Variants in FBXW10B observed in about 807,000 individuals in gnomAD.
FBXW10B encodes the protein F-box and WD repeat domain containing 10B, also known as F-box and WD repeat domain containing protein 10B.
chr17:15,609,852 C>CTTTTTTTTTTTTTTTT, the FBXW10B span, among the ~76,000 whole-genome samples: 26 of 103,184 alleles, frequency 2.5e-4, no homozygotes, highest in Non-Finnish European at 3.7e-4. Flanking sequence ...TTCTTTCTTT[C>CTTTTTTTTTTTTTTTT]TTTTTTTTTT....
At chr17:15,593,913 G>A in the FBXW10B span, among the ~76,000 whole-genome samples, 20 of 152,062 alleles carry the variant, frequency 1.3e-4, no homozygotes, top group Admixed American at 3.9e-4. Context: ...ACAGGCATGC[G>A]CCACCATGCC....
the FBXW10B span, among the ~76,000 whole-genome samples, chr17:15,595,597 A>G: frequency 6.6e-6 from 1 of 152,032 alleles, no homozygotes; most frequent in Non-Finnish European, 1.5e-5. Context: ...CAGAGTGCAC[A>G]TGGGCCATCC....
At chr17:15,572,184 C>A in the FBXW10B span, 1 of 150,916 alleles carries the variant, frequency 6.6e-6, no homozygotes, top group Non-Finnish European at 1.5e-5. Context: ...ATTTTCAGAG[C>A]ACTTGGTTTT....
chr17:15,576,186 T>G, the FBXW10B span, among the ~76,000 whole-genome samples: 1 of 152,192 alleles, frequency 6.6e-6, no homozygotes, highest in African/African-American at 2.4e-5. Flanking sequence ...TATATATATA[T>G]TTTTAGTGAT....
chr17:15,596,348 G>T, the FBXW10B span: 3 of 607,874 alleles, frequency 4.9e-6, no homozygotes, highest in Non-Finnish European at 6.2e-6. Context: ...ACCCTCCACG[G>T]ACTCTGAATG....
At chr17:15,577,440 C>T in the FBXW10B span, among the ~76,000 whole-genome samples, 1 of 152,140 alleles carries the variant, frequency 6.6e-6, no homozygotes, top group Non-Finnish European at 1.5e-5. Context: ...TATTTTCAAG[C>T]GTTGTGAGCT....
At chr17:15,570,516 G>A in the FBXW10B span, among the ~76,000 whole-genome samples, 1 of 152,216 alleles carries the variant, frequency 6.6e-6, no homozygotes, top group Non-Finnish European at 1.5e-5. Flanking sequence ...TAAGGAAAAT[G>A]TACAGACCAG....
chr17:15,588,176 C>G, the FBXW10B span, among the ~76,000 whole-genome samples: 1 of 152,220 alleles, frequency 6.6e-6, no homozygotes. Context: ...CCTTGAAAAT[C>G]CCGTGTCCAT....
chr17:15,579,278 A>G, the FBXW10B span, among the ~76,000 whole-genome samples: 2 of 152,178 alleles, frequency 1.3e-5, no homozygotes, highest in Non-Finnish European at 2.9e-5. Context: ...CATGTTTTAA[A>G]ATTTAATTTT....
the FBXW10B span, among the ~76,000 whole-genome samples, chr17:15,612,000 C>T: frequency 3.9e-5 from 6 of 152,214 alleles, no homozygotes; most frequent in African/African-American, 1.2e-4. Flanking sequence ...CCCTGGCCCT[C>T]CCCTCGGGTC....
At chr17:15,618,458 C>A in the FBXW10B span, among the ~76,000 whole-genome samples, 1 of 151,886 alleles carries the variant, frequency 6.6e-6, no homozygotes, top group African/African-American at 2.4e-5. Flanking sequence ...AGAACTACCA[C>A]CCTAGACTTA....
chr17:15,582,646 G>T, the FBXW10B span, among the ~76,000 whole-genome samples: 1 of 150,224 alleles, frequency 6.7e-6, no homozygotes, highest in African/African-American at 2.5e-5. Flanking sequence ...TTTTTCCTCT[G>T]CCTTATTTCA....
chr17:15,608,540 G>T, the FBXW10B span, among the ~76,000 whole-genome samples: 1 of 151,824 alleles, frequency 6.6e-6, no homozygotes, highest in Non-Finnish European at 1.5e-5. Flanking sequence ...TGCAACCTCC[G>T]CCTCCCGAGT....
the FBXW10B span, chr17:15,612,577 T>C: frequency 9.3e-6 from 13 of 1,390,456 alleles, no homozygotes; most frequent in African/African-American, 1.7e-4. Flanking sequence ...CTCGTCTTCC[T>C]TAAGGAGTGT....
At chr17:15,606,278 G>A in the FBXW10B span, among the ~76,000 whole-genome samples, 5 of 140,832 alleles carry the variant, frequency 3.6e-5, no homozygotes, top group Admixed American at 2.2e-4. Context: ...GAGAGGGATT[G>A]TTCCAATAAG....
chr17:15,575,862 C>T, the FBXW10B span, among the ~76,000 whole-genome samples: 3 of 152,272 alleles, frequency 2.0e-5, no homozygotes, highest in East Asian at 1.9e-4. Flanking sequence ...CGGGACTTTA[C>T]GTGGCACTTG....
chr17:15,586,726 C>A, the FBXW10B span, among the ~76,000 whole-genome samples: 8 of 151,238 alleles, frequency 5.3e-5, no homozygotes, highest in Non-Finnish European at 1.2e-4. Flanking sequence ...GGATGCTTGG[C>A]TTTGAAGAGT....
At chr17:15,603,878 C>T in the FBXW10B span, among the ~76,000 whole-genome samples, 1 of 147,224 alleles carries the variant, frequency 6.8e-6, no homozygotes, top group Non-Finnish European at 1.5e-5. Context: ...CGAGACCATC[C>T]TGGCTAACAC....
At chr17:15,567,253 C>T in the FBXW10B span, among the ~76,000 whole-genome samples, 3 of 139,776 alleles carry the variant, frequency 2.1e-5, no homozygotes, top group Admixed American at 7.5e-5. Flanking sequence ...GCCTGGGCAA[C>T]AGAGCGAGAC....
Sources: gnomAD v4.1 joint callset for allele counts (sites outside exome capture counted in the v4.1 genomes callset) on GRCh38, gnomAD v4.1.1 for gene constraint, MANE v1.5 for transcripts, NCBI Gene and HGNC (gene_info 2026-07-23, HGNC 2026-07-21) for gene names.